IL31RA: variants seen among roughly 807,000 people sequenced by gnomAD.
IL31RA encodes interleukin 31 receptor A.
Under a neutral mutation model 83.7 loss-of-function variants are expected in IL31RA, and 66 were observed. The ratio of observed to expected loss-of-function variants is 0.79; its 90% confidence interval spans 0.65 to 0.97. The LOEUF is 0.97. Ranked by LOEUF, IL31RA falls within the 50% of genes least tolerant of loss-of-function variation. The pLI is 0.00. For synonymous variants in IL31RA, 325 were observed against 329.0 expected (o/e 0.99, Z 0.13); for missense variants, 798 against 919.4 (o/e 0.87, Z 1.71).
At chr5:55,908,882 A>C in intron 11 of IL31RA, 1 of 1,310,976 alleles carries the variant, frequency 7.6e-7, no homozygotes, top group Non-Finnish European at 9.7e-7. Flanking sequence ...ATTTTTTCTT[A>C]TGGTAAAATA....
intron 9 of IL31RA, 69 bp downstream of exon 9, chr5:55,906,357 CT>C: frequency 6.8e-7 from 1 of 1,478,032 alleles, no homozygotes; most frequent in South Asian, 1.2e-5. Flanking sequence ...ATTTTTAGAT[CT>C]TTAACTTTGG....
intron 3 of IL31RA, 81 bp from the exon 4 acceptor site, chr5:55,872,189 A>G (rs1413249160): frequency 1.9e-6 from 2 of 1,055,480 alleles, no homozygotes; most frequent in East Asian, 2.5e-5. Context: ...AAACTAACAA[A>G]TTACTGCTTA....
At chr5:55,846,942 T>C (rs925344277), upstream of IL31RA, among the ~76,000 whole-genome samples, 1 of 152,160 alleles carries the variant, frequency 6.6e-6, no homozygotes, top group African/African-American at 2.4e-5. Flanking sequence ...GGAATAAATT[T>C]AGATTTATAG....
At chr5:55,850,857 G>A (rs1480585697), upstream of IL31RA, among the ~76,000 whole-genome samples, 2 of 152,160 alleles carry the variant, frequency 1.3e-5, no homozygotes, top group South Asian at 4.1e-4. Context: ...TTGGGAGGCC[G>A]AGGCAGGTGG....
At chr5:55,860,784 A>T (rs1023832300) in intron 2 of IL31RA, among the ~76,000 whole-genome samples, 2 of 152,228 alleles carry the variant, frequency 1.3e-5, no homozygotes, top group Non-Finnish European at 2.9e-5. Flanking sequence ...GGAAGGCGTC[A>T]TGTAGCGTAT....
At chr5:55,897,984 C>T (rs1003334832) in intron 7 of IL31RA, among the ~76,000 whole-genome samples, 7 of 152,302 alleles carry the variant, frequency 4.6e-5, no homozygotes, top group South Asian at 2.1e-4. Flanking sequence ...CCCGCACCAT[C>T]GCCCACTCCC....
chr5:55,885,512 G>C (rs370226528), intron 5 of IL31RA, among the ~76,000 whole-genome samples: 15 of 152,314 alleles, frequency 9.8e-5, no homozygotes, highest in African/African-American at 3.6e-4. Context: ...CCTTCCCCCT[G>C]CACAAAGCGT....
upstream of IL31RA, chr5:55,851,314 C>T (rs571815254): frequency 1.3e-4 from 75 of 556,598 alleles, 1 homozygote; most frequent in African/African-American, 1.3e-3. Context: ...ATGACTCATG[C>T]CTGAATAGAG....
At chr5:55,867,099 T>C (rs55636110) in intron 2 of IL31RA, among the ~76,000 whole-genome samples, 1 of 28,366 alleles carries the variant, frequency 3.5e-5, no homozygotes, top group Non-Finnish European at 1.3e-4. Flanking sequence ...GTGTGTGTGT[T>C]TGTGTGTGTG....
intron 2 of IL31RA, among the ~76,000 whole-genome samples, chr5:55,864,803 C>G (rs1464315723): frequency 6.6e-6 from 1 of 151,124 alleles, no homozygotes; most frequent in Non-Finnish European, 1.5e-5. Context: ...ACACACACAC[C>G]ATTCACACAT....
chr5:55,847,240 AATAAAAAT>A (rs1436227178), upstream of IL31RA, among the ~76,000 whole-genome samples: 146 of 14,190 alleles, frequency 0.01, 1 homozygote, highest in African/African-American at 0.026. Flanking sequence ...AAAAAAAAAA[AATAAAAAT>A]AAATAAATAA....
At chr5:55,889,010 C>T (rs553457625) in intron 5 of IL31RA, among the ~76,000 whole-genome samples, 7 of 152,232 alleles carry the variant, frequency 4.6e-5, no homozygotes, top group East Asian at 1.9e-4. Flanking sequence ...ATCCATGGGA[C>T]GATGCTGTGT....
At chr5:55,845,603 G>A in the IL31RA span, among the ~76,000 whole-genome samples, 9 of 152,186 alleles carry the variant, frequency 5.9e-5, no homozygotes, top group East Asian at 1.2e-3. Context: ...GGGATCTCAC[G>A]GTTTTTTAAG....
intron 2 of IL31RA, among the ~76,000 whole-genome samples, chr5:55,861,660 C>T (rs1745697544): frequency 6.6e-6 from 1 of 152,200 alleles, no homozygotes; most frequent in Non-Finnish European, 1.5e-5. Flanking sequence ...CTCTCCCTCT[C>T]ATCAGCAATT....
intron 1 of IL31RA, chr5:55,853,228 A>T: frequency 1.1e-6 from 1 of 879,668 alleles, no homozygotes; most frequent in African/African-American, 1.8e-5. Flanking sequence ...GAGAAAATTT[A>T]AAAGTTAGTC....
At chr5:55,876,330 C>T (rs553046643) in intron 4 of IL31RA, among the ~76,000 whole-genome samples, 67 of 152,228 alleles carry the variant, frequency 4.4e-4, no homozygotes, top group Non-Finnish European at 7.5e-4. Flanking sequence ...CACTTGCACT[C>T]GGGAAGCAGA....
intron 5 of IL31RA, among the ~76,000 whole-genome samples, chr5:55,886,891 A>AGGGCCT (rs1469031682): frequency 6.6e-6 from 1 of 152,294 alleles, no homozygotes; most frequent in East Asian, 1.9e-4. Flanking sequence ...TTTCCTTCTG[A>AGGGCCT]GGGCCTGGGC....
rs71602918 is a variant in IL31RA, at chr5:55,867,169, A to ATGTG, written c.155-1615_155-1612dup. ...TGTGCATGTGTGTTTGTGTGTGTGC[A>ATGTG]TGTGTGTGTGCATGTGTGTTTGTGT... On this transcript the variant is annotated intron_variant, in intron 2 of 14. Transcript: ENST00000652347. Among the ~76,000 whole-genome samples the ATGTG allele has an allele frequency of 3.1e-3, 332 of 106,196 alleles. 2 individuals are homozygous for ATGTG. The highest frequency in any genetic ancestry group is 9.6e-3 in the Middle Eastern group (2 of 208). 69.7% of individuals were successfully genotyped at this position (106,196 alleles called of 152,430 possible).
intron 4 of IL31RA, among the ~76,000 whole-genome samples, chr5:55,879,450 T>TTTTTTTTTTTTTTTTTTA (rs1747067103): frequency 7.1e-6 from 1 of 141,386 alleles, no homozygotes; most frequent in Admixed American, 7.2e-5. Context: ...TTTTTTTTTT[T>TTTTTTTTTTTTTTTTTTA]GAGATGGAGT....
Sources: allele counts gnomAD v4.1 joint callset (sites outside exome capture counted in the v4.1 genomes callset), GRCh38; gene constraint gnomAD v4.1.1; transcripts MANE v1.5; gene names NCBI Gene and HGNC (gene_info 2026-07-23, HGNC 2026-07-21).